VIPR1: variants seen among roughly 807,000 people sequenced by gnomAD.
VIPR1 encodes the protein vasoactive intestinal polypeptide receptor 1.
Under a neutral mutation model 58.8 loss-of-function variants are expected in VIPR1, and 59 were observed. That is an observed-to-expected ratio of 1.00 (90% CI 0.81 to 1.25). The LOEUF is 1.25. VIPR1 is among the 50% of genes most tolerant of loss of function. The pLI is 0.00. For synonymous variants in VIPR1, 251 were observed against 242.1 expected (o/e 1.04, Z -0.34); for missense variants, 626 against 602.7 (o/e 1.04, Z -0.40).
chr3:42,515,760 C>T (rs1700592948), intron 2 of VIPR1, among the ~76,000 whole-genome samples: 1 of 152,210 alleles, frequency 6.6e-6, no homozygotes. Flanking sequence ...GGGTCTATAG[C>T]TCTGTGTCTG....
chr3:42,528,016 A>G lies in VIPR1; in HGVS notation c.529A>G (p.Ile177Val). 6.2e-7 allele frequency: 1 copy of G among 1,613,922 alleles called. No homozygotes were observed. Among genetic ancestry groups the G allele is most frequent in the Non-Finnish European group, 8.5e-7 (1 of 1,179,916 alleles). ...FRKLHCTRNYIHMHLFISFIL... is the reference protein window; with the variant it reads ...FRKLHCTRNYVHMHLFISFIL... ...GAAGCTCCACTGCACGCGGAACTAC[A>G]TCCACATGCACCTCTTCATATCCTT... Residue 177 changes from isoleucine to valine, a missense_variant, in exon 6 of 13, where the codon ATC becomes GTC. Transcript: ENST00000325123.
chr3:42,527,022 C>A (rs953939095), intron 4 of VIPR1, among the ~76,000 whole-genome samples: 1 of 152,140 alleles, frequency 6.6e-6, no homozygotes, highest in East Asian at 1.9e-4. Context: ...GCAGACCCCA[C>A]CCCTAGGGTG....
intron 3 of VIPR1, among the ~76,000 whole-genome samples, chr3:42,525,206 C>A (rs1236826025): frequency 2.6e-5 from 4 of 152,052 alleles, no homozygotes; most frequent in African/African-American, 9.7e-5. Context: ...TCACATACCC[C>A]CTAAGCGGTC....
chr3:42,504,029 G>T (rs1699997662), intron 1 of VIPR1, among the ~76,000 whole-genome samples: 1 of 152,072 alleles, frequency 6.6e-6, no homozygotes, highest in Non-Finnish European at 1.5e-5. Context: ...TCTGACAATT[G>T]GCAGGAGCCT....
chr3:42,505,635 T>C (rs1876506), intron 1 of VIPR1, among the ~76,000 whole-genome samples: 15,754 of 152,258 alleles, frequency 0.1, 2,240 homozygotes, highest in African/African-American at 0.32. Flanking sequence ...AAGCGAGCCC[T>C]TTTGGAAGTT....
intron 4 of VIPR1, among the ~76,000 whole-genome samples, chr3:42,527,141 C>T (rs907683972): frequency 6.6e-6 from 1 of 152,104 alleles, no homozygotes; most frequent in African/African-American, 2.4e-5. Context: ...ACTTGTCCCT[C>T]GTAAAGAAGC....
chr3:42,527,714 C>T (rs1701307879), intron 5 of VIPR1: 1 of 635,838 alleles, frequency 1.6e-6, no homozygotes, highest in Non-Finnish European at 2.7e-6. Context: ...TGGCCCTGCA[C>T]CTGGGGACAG....
chr3:42,528,460 A>C, intron 6 of VIPR1: 1 of 292,196 alleles, frequency 3.4e-6, no homozygotes, highest in Non-Finnish European at 6.6e-6. Flanking sequence ...TGGGGAACTT[A>C]CAGCCTCAGT....
At position 42,530,926 on chromosome 3, in the gene VIPR1, G is replaced by T; in HGVS notation, c.784G>T (p.Gly262Cys). 6.8e-6 allele frequency: 11 copies of T among 1,613,932 alleles called. No homozygotes were observed. The highest frequency in any genetic ancestry group is 9.3e-6 in the Non-Finnish European group (11 of 1,179,880). ...RKYFWGYILI[G>C]WGVPSTFTMV... The stretch of plus-strand genomic sequence containing the variant: ...GTACTTCTGGGGGTACATACTCATC[G>T]GCTGGGGTATGGTACCAGGGAGGGC... The change falls in exon 7 of 13, where the codon GGC (glycine) becomes TGC (cysteine). Residue 262 changes from glycine (G) to cysteine (C), a missense_variant. By Grantham distance (159) the Gly-to-Cys change is radical (BLOSUM62 -3). Coordinates refer to ENST00000325123, the MANE Select transcript of VIPR1 (RefSeq NM_004624.4).
chr3:42,531,940 C>T (rs1005522517), intron 9 of VIPR1, 71 bp downstream of exon 9: 16 of 1,561,562 alleles, frequency 1.0e-5, no homozygotes, highest in Non-Finnish European at 1.2e-5. Flanking sequence ...CCCAAGGTCA[C>T]ATGGGAAATT....
At chr3:42,497,101 A>G (rs1699776894) in intron 1 of VIPR1, among the ~76,000 whole-genome samples, 1 of 152,192 alleles carries the variant, frequency 6.6e-6, no homozygotes, top group African/African-American at 2.4e-5. Flanking sequence ...AGCTACACAC[A>G]GGAACGCAGG....
At chr3:42,510,245 G>C (rs1000178806) in intron 1 of VIPR1, among the ~76,000 whole-genome samples, 2 of 152,058 alleles carry the variant, frequency 1.3e-5, no homozygotes, top group Admixed American at 6.5e-5. Context: ...ACTTCTAATT[G>C]TCTAACTTGC....
chr3:42,508,470 T>C (rs1286284528), intron 1 of VIPR1, among the ~76,000 whole-genome samples: 1 of 152,170 alleles, frequency 6.6e-6, no homozygotes, highest in Non-Finnish European at 1.5e-5. Context: ...GCTGGGACTT[T>C]AGATATTTTT....
In VIPR1 at chr3:42,531,838, TCATAAAGGGCCC is replaced by T; in HGVS notation, c.891_902del (p.Lys298_Ile301del). 6.2e-7 allele frequency: 1 copy of T among 1,614,018 alleles called. No homozygotes were observed. Among genetic ancestry groups the T allele is most frequent in the African/African-American group, 1.3e-5 (1 of 74,976 alleles). The stretch of plus-strand genomic sequence containing the variant: ...ACCATCAACTCCTCACTGTGGTGGA[TCATAAAGGGCCC>T]CATCCTCACCTCCATCTTGGTAAGA... On this transcript the variant is annotated inframe_deletion, in exon 9 of 13. Transcript: ENST00000325123.
chr3:42,535,451 G>T, intron 12 of VIPR1, 67 bp downstream of exon 12: 1 of 1,544,638 alleles, frequency 6.5e-7, no homozygotes, highest in Middle Eastern at 1.7e-4. Context: ...GGAAACATTG[G>T]TGGGATATGT....
At chr3:42,499,760 C>A (rs1413387649), upstream of VIPR1, among the ~76,000 whole-genome samples, 1 of 152,106 alleles carries the variant, frequency 6.6e-6, no homozygotes, top group Admixed American at 6.5e-5. Flanking sequence ...TCCGTCGGCC[C>A]CCCCTCTGCT....
chr3:42,531,942 T>C, intron 9 of VIPR1, 73 bp downstream of exon 9: 3 of 1,558,826 alleles, frequency 1.9e-6, no homozygotes, highest in Non-Finnish European at 2.7e-6. Flanking sequence ...CAAGGTCACA[T>C]GGGAAATTAG....
At chr3:42,520,609 G>C (rs1408599235) in intron 3 of VIPR1, among the ~76,000 whole-genome samples, 1 of 152,034 alleles carries the variant, frequency 6.6e-6, no homozygotes, top group Non-Finnish European at 1.5e-5. Context: ...GAAGAGAGTG[G>C]GACTGGGTGG....
At chr3:42,497,542 C>T (rs1359245096) in intron 1 of VIPR1, among the ~76,000 whole-genome samples, 1 of 152,180 alleles carries the variant, frequency 6.6e-6, no homozygotes, top group Admixed American at 6.5e-5. Context: ...AGCAGTCCTC[C>T]CCTTTAGAGT....
Sources: allele counts gnomAD v4.1 joint callset (sites outside exome capture counted in the v4.1 genomes callset), GRCh38; gene constraint gnomAD v4.1.1; transcripts MANE v1.5; gene names NCBI Gene and HGNC (gene_info 2026-07-23, HGNC 2026-07-21).